Variants in MYH10 observed in about 807,000 individuals in gnomAD.
MYH10 encodes myosin-10.
MYH10 carries 55 observed loss-of-function variants against 257.8 expected under a neutral mutation model. The ratio of observed to expected loss-of-function variants is 0.21; its 90% CI spans 0.17 to 0.27. The LOEUF is 0.27. Ranked by LOEUF, MYH10 falls within the 10% of genes least tolerant of loss-of-function variation. The pLI is 1.00. For missense variants in MYH10, 1,631 were observed against 2,500.6 expected (o/e 0.65, Z 7.42); for synonymous variants, 854 against 921.7 (o/e 0.93, Z 1.33).
intron 13 of MYH10, among the ~76,000 whole-genome samples, chr17:8,543,736 T>A (rs1199895242): frequency 1.3e-5 from 2 of 152,168 alleles, no homozygotes; most frequent in East Asian, 3.9e-4. Context: ...CCTCCCAAAG[T>A]GCTGGGATTA....
chr17:8,531,810 C>T (rs1434906838), intron 16 of MYH10, among the ~76,000 whole-genome samples: 1 of 152,158 alleles, frequency 6.6e-6, no homozygotes, highest in Admixed American at 6.6e-5. Context: ...TCTGCTTTTG[C>T]ATTTAAGTGG....
chr17:8,592,241 C>T (rs2084175610), intron 3 of MYH10, among the ~76,000 whole-genome samples: 1 of 151,390 alleles, frequency 6.6e-6, no homozygotes, highest in Non-Finnish European at 1.5e-5. Context: ...TGGGCTCTTA[C>T]CTAAATAAAA....
intron 2 of MYH10, among the ~76,000 whole-genome samples, chr17:8,613,146 C>A (rs935484693): frequency 1.3e-5 from 2 of 152,028 alleles, no homozygotes; most frequent in African/African-American, 4.8e-5. Flanking sequence ...GAATTCTCAA[C>A]AGAAAAAGAC....
At chr17:8,485,599 A>G (rs1463499343) in intron 36 of MYH10, among the ~76,000 whole-genome samples, 2 of 152,152 alleles carry the variant, frequency 1.3e-5, no homozygotes, top group African/African-American at 4.8e-5. Flanking sequence ...CTCATTAGTC[A>G]TTAGAGAAAT....
At chr17:8,505,571 CAT>C (rs1455901671) in intron 27 of MYH10, among the ~76,000 whole-genome samples, 1 of 152,202 alleles carries the variant, frequency 6.6e-6, no homozygotes, top group Non-Finnish European at 1.5e-5. Flanking sequence ...AAACATTAGA[CAT>C]ATATTTATTA....
At chr17:8,615,761 A>G (rs971639222) in intron 2 of MYH10, among the ~76,000 whole-genome samples, 1 of 152,226 alleles carries the variant, frequency 6.6e-6, no homozygotes, top group Non-Finnish European at 1.5e-5. Flanking sequence ...TCAACCATTC[A>G]GGATAAAAAA....
intron 36 of MYH10, among the ~76,000 whole-genome samples, chr17:8,485,899 A>G (rs888251750): frequency 1.3e-5 from 2 of 152,244 alleles, no homozygotes; most frequent in Admixed American, 6.5e-5. Flanking sequence ...CATTATTCAG[A>G]AGTCAAAAAA....
intron 17 of MYH10, among the ~76,000 whole-genome samples, chr17:8,530,377 A>C (rs1050940981): frequency 6.6e-6 from 1 of 152,228 alleles, no homozygotes; most frequent in African/African-American, 2.4e-5. Flanking sequence ...ATAAGAAGCA[A>C]TGTGTAGGCA....
chr17:8,594,564 C>T (rs1043571478), intron 3 of MYH10, among the ~76,000 whole-genome samples: 1 of 152,116 alleles, frequency 6.6e-6, no homozygotes, highest in East Asian at 1.9e-4. Context: ...TATGACCCAG[C>T]GATCTTACTC....
intron 11 of MYH10, among the ~76,000 whole-genome samples, chr17:8,547,780 CAT>C (rs2082492568): frequency 7.1e-6 from 1 of 139,956 alleles, no homozygotes; most frequent in Non-Finnish European, 1.5e-5. Context: ...ACTTTATATC[CAT>C]ATTATATTTA....
rs180871754 is a variant in MYH10 at position 8,552,823 on chromosome 17, C to A, written c.821-679G>T. Among the ~76,000 whole-genome samples, 18 of 152,360 alleles carry A rather than the reference C, an allele frequency of 1.2e-4. No individual in the cohort carries two copies. The highest frequency in any genetic ancestry group is 1.1e-3 in the Admixed American group (17 of 15,306). On this transcript the variant is annotated intron_variant, in intron 8 of 42. Transcript: ENST00000360416. The surrounding 1 kb of genome is among the most constrained non-coding windows in gnomAD (Gnocchi z 4.8). ...CCGGTGCGGCCAGTACCTACGCCTG[C>A]TGCTACCCACCCTGCCTGGGCTTCC... is the stretch of plus-strand genomic sequence containing the variant.
intron 3 of MYH10, among the ~76,000 whole-genome samples, chr17:8,591,410 C>G (rs2084133904): frequency 6.6e-6 from 1 of 152,132 alleles, no homozygotes; most frequent in Non-Finnish European, 1.5e-5. Flanking sequence ...CTAGCTCTGC[C>G]ACAAACTGTG....
intron 28 of MYH10, among the ~76,000 whole-genome samples, chr17:8,503,174 T>C (rs1015553544): frequency 6.6e-5 from 10 of 152,060 alleles, no homozygotes; most frequent in Admixed American, 5.2e-4. Context: ...TCCCAGCTAC[T>C]CGGGAGGCTG....
intron 30 of MYH10, among the ~76,000 whole-genome samples, chr17:8,497,813 A>C (rs141872577): frequency 5.4e-4 from 81 of 149,976 alleles, no homozygotes; most frequent in Admixed American, 1.3e-3. Flanking sequence ...ACAGTTCATG[A>C]CTTTTTTGGG....
chr17:8,495,266 C>T (rs1916401644), intron 30 of MYH10, 25 bp from the exon 31 acceptor site: 1 of 1,424,564 alleles, frequency 7.0e-7, no homozygotes. Context: ...AGATTAAATT[C>T]AACTCAATAG....
chr17:8,624,665 T>C (rs546988051), intron 1 of MYH10, among the ~76,000 whole-genome samples: 74 of 152,356 alleles, frequency 4.9e-4, no homozygotes, highest in African/African-American at 1.7e-3. Context: ...AAAAATATTA[T>C]GCACTTAGCG....
intron 1 of MYH10, among the ~76,000 whole-genome samples, chr17:8,627,775 C>G (rs1033622568): frequency 8.5e-5 from 13 of 152,216 alleles, no homozygotes; most frequent in African/African-American, 2.9e-4. Flanking sequence ...TCATATATCA[C>G]TAATTATGGC....
chr17:8,619,237 T>C (rs989960353), intron 2 of MYH10, among the ~76,000 whole-genome samples: 2 of 152,240 alleles, frequency 1.3e-5, no homozygotes, highest in African/African-American at 4.8e-5. Context: ...AAGGACATTC[T>C]TGAGTGAAAC....
intron 10 of MYH10, 55 bp downstream of exon 10, chr17:8,548,589 A>G (rs2082518194): frequency 6.3e-7 from 1 of 1,579,388 alleles, no homozygotes; most frequent in African/African-American, 1.4e-5. Flanking sequence ...GATTTACCCC[A>G]GATGTATAAG....
Sources: gnomAD v4.1 joint callset for allele counts (sites outside exome capture counted in the v4.1 genomes callset) on GRCh38, gnomAD v4.1.1 for gene constraint, Gnocchi (gnomAD v3.1) non-coding constraint, MANE v1.5 for transcripts, NCBI Gene and HGNC (gene_info 2026-07-23, HGNC 2026-07-21) for gene names.